The following CDC42SE2 variants were observed in gnomAD, a reference collection of about 807,000 sequenced individuals.
CDC42SE2 encodes the protein CDC42 small effector protein 2.
CDC42SE2 carries 3 observed loss-of-function variants against 11.5 expected under a neutral mutation model. That is an observed-to-expected ratio of 0.26 (90% CI 0.12 to 0.67). The LOEUF (loss-of-function observed/expected upper bound fraction) is 0.67, where lower values mean the gene tolerates loss of function less well. CDC42SE2 is among the 30% of genes least tolerant of loss of function. CDC42SE2 has a pLI of 0.80. For missense variants in CDC42SE2, 82 were observed against 106.8 expected (o/e 0.77, Z 1.02); for synonymous variants, 33 against 34.8 (o/e 0.95, Z 0.18).
intron 3 of CDC42SE2, among the ~76,000 whole-genome samples, chr5:131,376,740 CAT>C (rs1055564402): frequency 1.3e-5 from 2 of 152,136 alleles, no homozygotes; most frequent in African/African-American, 4.8e-5. Context: ...CAAGTGAGAA[CAT>C]GTGGTATTAT....
chr5:131,264,267 C>T (rs1019899810), intron 1 of CDC42SE2, 101 bp downstream of exon 1: 1 of 152,262 alleles, frequency 6.6e-6, no homozygotes, highest in African/African-American at 2.4e-5. Context: ...TCCCTGAGGG[C>T]TCTGGGGTGA....
intron 2 of CDC42SE2, among the ~76,000 whole-genome samples, chr5:131,328,440 G>C (rs1055777934): frequency 6.6e-6 from 1 of 151,910 alleles, no homozygotes; most frequent in South Asian, 2.1e-4. Flanking sequence ...TTAATTCTGG[G>C]AAGTTATTAT....
chr5:131,310,568 A>G (rs1292843816), intron 1 of CDC42SE2, among the ~76,000 whole-genome samples: 2 of 151,188 alleles, frequency 1.3e-5, no homozygotes, highest in African/African-American at 4.9e-5. Flanking sequence ...CCCATTATTA[A>G]TGTGTGGGAG....
intron 1 of CDC42SE2, among the ~76,000 whole-genome samples, chr5:131,315,598 C>T (rs997345027): frequency 6.6e-6 from 1 of 152,114 alleles, no homozygotes; most frequent in Non-Finnish European, 1.5e-5. Flanking sequence ...CCAGTATTGC[C>T]AGATATTCTG....
chr5:131,387,323 T>G (rs1231180030), intron 4 of CDC42SE2, among the ~76,000 whole-genome samples: 1 of 152,068 alleles, frequency 6.6e-6, no homozygotes, highest in African/African-American at 2.4e-5. Context: ...CTGAGGCAGG[T>G]GGATCATCTG....
At chr5:131,285,846 C>T (rs1246031767) in intron 1 of CDC42SE2, among the ~76,000 whole-genome samples, 1 of 152,092 alleles carries the variant, frequency 6.6e-6, no homozygotes, top group African/African-American at 2.4e-5. Context: ...CTTCCAGTTG[C>T]CTTTATATCT....
At chr5:131,350,972 G>T (rs908101280) in intron 2 of CDC42SE2, among the ~76,000 whole-genome samples, 1 of 151,842 alleles carries the variant, frequency 6.6e-6, no homozygotes, top group Non-Finnish European at 1.5e-5. Flanking sequence ...TTTAGAGAGG[G>T]TCTCACTCTG....
chr5:131,292,131 C>T (rs562195156), intron 1 of CDC42SE2, among the ~76,000 whole-genome samples: 32 of 144,402 alleles, frequency 2.2e-4, no homozygotes, highest in African/African-American at 6.5e-4. Context: ...CTCAACTACT[C>T]GGGAGGCTGA....
chr5:131,242,816 A>G (rs142547930), upstream of CDC42SE2, among the ~76,000 whole-genome samples: 60 of 152,268 alleles, frequency 3.9e-4, no homozygotes, highest in Non-Finnish European at 7.8e-4. Flanking sequence ...TTTCTAGGGT[A>G]AGTAATGGTG....
In CDC42SE2 at chr5:131,359,538, G is replaced by C; in HGVS notation, c.45G>C (p.Gln15His). The C allele has an allele frequency of 1.9e-6, 3 of 1,612,274 alleles. No homozygotes were observed. The highest frequency in any genetic ancestry group is 2.5e-6 in the Non-Finnish European group (3 of 1,178,334). The part of the protein sequence containing the change: ...WLCFNCCIAE[Q>H]PQPKRRRRID... ...GTTTCAACTGCTGTATTGCAGAACA[G>C]CCTCAGCCTGTAAGTATGAAGTATG... The change falls in exon 3 of 5, where the codon CAG becomes CAC. Residue 15 changes from glutamine to histidine, a missense_variant. Coordinates refer to ENST00000505065, the MANE Select transcript of CDC42SE2 (RefSeq NM_001375635.1).
chr5:131,359,320 CT>C lies in CDC42SE2; in HGVS notation c.-171del, dbSNP rs1749642364. ...AAGAAAGGAAACAATCCAAATTTTT[CT>C]TTATTAAATCGACTGTGTAAGATAC... is the stretch of plus-strand genomic sequence containing the variant. On this transcript the variant is annotated 5_prime_UTR_variant, in exon 3 of 5. Coordinates refer to ENST00000505065, the MANE Select transcript of CDC42SE2 (RefSeq NM_001375635.1). The C allele has an allele frequency of 1.6e-6, 1 of 627,022 alleles. No individual in the cohort carries two copies. The highest frequency in any genetic ancestry group is 1.8e-5 in the African/African-American group (1 of 54,612). The allele number at this position is 627,022 out of a possible 1,614,324, so 38.8% of individuals were successfully genotyped here. A position where few individuals can be genotyped will look rare whatever the true frequency, so the allele number is the denominator to read the frequency against.
chr5:131,277,819 AT>A (rs1757134718), intron 1 of CDC42SE2, among the ~76,000 whole-genome samples: 1 of 152,142 alleles, frequency 6.6e-6, no homozygotes, highest in African/African-American at 2.4e-5. Flanking sequence ...TAATTTCTTC[AT>A]GCCATTTGTG....
At chr5:131,248,342 G>A (rs913540316) in intron 1 of CDC42SE2, among the ~76,000 whole-genome samples, 11 of 151,954 alleles carry the variant, frequency 7.2e-5, no homozygotes, top group Non-Finnish European at 4.4e-5. Flanking sequence ...GTTTCACCGT[G>A]TTGGTCAGGC....
At chr5:131,246,565 T>A (rs891315022) in intron 1 of CDC42SE2, among the ~76,000 whole-genome samples, 4 of 152,006 alleles carry the variant, frequency 2.6e-5, no homozygotes, top group African/African-American at 4.8e-5. Flanking sequence ...TGCTAGGATA[T>A]GTTTCATGTA....
chr5:131,310,406 A>G (rs1261368495), intron 1 of CDC42SE2, among the ~76,000 whole-genome samples: 1 of 151,686 alleles, frequency 6.6e-6, no homozygotes, highest in Non-Finnish European at 1.5e-5. Context: ...TGTGGTGCTG[A>G]AAAAAATGTA....
intron 1 of CDC42SE2, among the ~76,000 whole-genome samples, chr5:131,314,719 A>AAAACT (rs1368337708): frequency 5.3e-5 from 8 of 152,282 alleles, no homozygotes; most frequent in Non-Finnish European, 8.8e-5. Context: ...CTGTCAGTTT[A>AAAACT]GAGTTGAAGA....
intron 2 of CDC42SE2, among the ~76,000 whole-genome samples, chr5:131,352,526 C>A (rs981744306): frequency 1.3e-5 from 2 of 151,928 alleles, no homozygotes; most frequent in African/African-American, 4.8e-5. Context: ...AAAAAATTAA[C>A]CCTCATATTT....
At chr5:131,213,221 T>C in the CDC42SE2 span, among the ~76,000 whole-genome samples, 2 of 151,782 alleles carry the variant, frequency 1.3e-5, no homozygotes. Flanking sequence ...AATAATCCAT[T>C]AGTTCATAAA....
At chr5:131,326,882 A>G (rs1758311723) in intron 2 of CDC42SE2, among the ~76,000 whole-genome samples, 1 of 152,154 alleles carries the variant, frequency 6.6e-6, no homozygotes, top group African/African-American at 2.4e-5. Context: ...AAGTGCTGGA[A>G]TACAGGCATG....
Sources: gnomAD v4.1 joint callset for allele counts (sites outside exome capture counted in the v4.1 genomes callset) on GRCh38, gnomAD v4.1.1 for gene constraint, MANE v1.5 for transcripts, NCBI Gene and HGNC (gene_info 2026-07-23, HGNC 2026-07-21) for gene names.